VAC14: variants seen among roughly 807,000 people sequenced by gnomAD.
VAC14 encodes the protein VAC14 component of PIKFYVE complex, also known as protein VAC14 homolog.
A neutral mutation model predicts 85.3 loss-of-function variants in VAC14; 47 were observed. The observed-to-expected ratio is 0.55, with a 90% CI of 0.44 to 0.70. VAC14 has a LOEUF of 0.70. Ranked by LOEUF, VAC14 falls within the 30% of genes least tolerant of loss-of-function variation. The pLI, the probability that VAC14 is intolerant of heterozygous loss-of-function variation, is 0.00. For synonymous variants in VAC14, 447 were observed against 430.5 expected (o/e 1.04, Z -0.47); for missense variants, 861 against 1,004.3 (o/e 0.86, Z 1.93).
At chr16:70,784,972 G>A (rs1042873675) in intron 3 of VAC14, 134 bp from the exon 4 acceptor site, 4 of 790,070 alleles carry the variant, frequency 5.1e-6, no homozygotes, top group East Asian at 2.5e-5. Flanking sequence ...TCACCCTTTC[G>A]GTGAACACAT....
intron 14 of VAC14, chr16:70,731,130 G>C (rs1366170082): frequency 3.3e-6 from 1 of 305,736 alleles, no homozygotes; most frequent in Non-Finnish European, 4.9e-6. Context: ...ATCCCGCACT[G>C]GGGGCTGGGC....
intron 10 of VAC14, chr16:70,770,711 A>C (rs2033156913): frequency 6.6e-6 from 1 of 152,244 alleles, no homozygotes; most frequent in Non-Finnish European, 1.5e-5. Flanking sequence ...GGTCAGGGAC[A>C]CATTCAGGGG....
chr16:70,705,204 G>C (rs2053898473), intron 14 of VAC14, among the ~76,000 whole-genome samples: 1 of 152,218 alleles, frequency 6.6e-6, no homozygotes, highest in African/African-American at 2.4e-5. Flanking sequence ...ACTGGGTGCA[G>C]GCTCTGCCCT....
At chr16:70,724,419 G>A (rs982976124) in intron 14 of VAC14, among the ~76,000 whole-genome samples, 3 of 152,178 alleles carry the variant, frequency 2.0e-5, no homozygotes, top group Non-Finnish European at 4.4e-5. Context: ...ATGGACTAGG[G>A]AACAATGGAA....
At chr16:70,749,189 C>T (rs531332782) in intron 12 of VAC14, among the ~76,000 whole-genome samples, 1 of 152,320 alleles carries the variant, frequency 6.6e-6, no homozygotes, top group East Asian at 1.9e-4. Flanking sequence ...GAGCTGTTCC[C>T]TGGCCCAGGC....
intron 12 of VAC14, among the ~76,000 whole-genome samples, chr16:70,750,486 G>A (rs1373450794): frequency 6.6e-6 from 1 of 152,144 alleles, no homozygotes; most frequent in African/African-American, 2.4e-5. Flanking sequence ...CCCTGGTTTC[G>A]GAGTGGAGTG....
chr16:70,697,381 G>T, intron 15 of VAC14, 124 bp from the exon 16 acceptor site: 1 of 716,176 alleles, frequency 1.4e-6, no homozygotes. Context: ...GGGGCAGCCA[G>T]AGCCAGCTTA....
At chr16:70,766,273 G>A (rs748302094) in intron 10 of VAC14, among the ~76,000 whole-genome samples, 2 of 152,202 alleles carry the variant, frequency 1.3e-5, no homozygotes, top group African/African-American at 4.8e-5. Flanking sequence ...TTGGCCCCTC[G>A]GCAAGCTGAG....
Position 70,800,864 on chromosome 16 carries a change from T to G in VAC14, c.37A>C (p.Asn13His). The change falls in exon 1 of 19, where the codon AAC becomes CAC. Residue 13 changes from asparagine (N) to histidine (H), a missense_variant. By Grantham distance (68) the Asn-to-His change is moderately conservative. Transcript: ENST00000261776. ...TTGTCATTGAGGGCGCGCACGATGT[T>G]AGGCGTGAGCGGCGCGAAATCCTTC... is the stretch of plus-strand genomic sequence containing the variant. ...PEKDFAPLTP[N>H]IVRALNDKLY... is the part of the protein sequence containing the mutation. 1 of 1,607,148 alleles carries G rather than the reference T, an allele frequency of 6.2e-7. No individual in the cohort carries two copies. The highest frequency in any genetic ancestry group is 8.5e-7 in the Non-Finnish European group (1 of 1,176,790).
intron 13 of VAC14, among the ~76,000 whole-genome samples, chr16:70,743,002 T>C (rs1230014239): frequency 6.6e-6 from 1 of 151,798 alleles, no homozygotes; most frequent in African/African-American, 2.4e-5. Context: ...GCTAAAGGAC[T>C]GTAAATGCAC....
At chr16:70,706,999 G>T (rs1597863465) in intron 14 of VAC14, among the ~76,000 whole-genome samples, 1 of 152,264 alleles carries the variant, frequency 6.6e-6, no homozygotes, top group Non-Finnish European at 1.5e-5. Context: ...TCCCTGCCTT[G>T]TTCCTGCCCC....
chr16:70,771,528 C>T (rs191627802), intron 10 of VAC14: 6 of 151,986 alleles, frequency 3.9e-5, no homozygotes, highest in Non-Finnish European at 7.4e-5. Flanking sequence ...TACTGACCTC[C>T]AATAGCTTAA....
intron 18 of VAC14, chr16:70,691,456 T>C: frequency 2.0e-6 from 2 of 984,786 alleles, no homozygotes; most frequent in African/African-American, 3.5e-5. Flanking sequence ...CCGGTGTGGC[T>C]TCTAGGCCTC....
intron 10 of VAC14, among the ~76,000 whole-genome samples, chr16:70,763,834 G>A (rs1396249175): frequency 6.6e-6 from 1 of 152,246 alleles, no homozygotes; most frequent in Non-Finnish European, 1.5e-5. Context: ...GTGCTGCTGG[G>A]AGGCTTGAGT....
intron 1 of VAC14, among the ~76,000 whole-genome samples, chr16:70,787,810 C>T (rs529651579): frequency 2.6e-5 from 4 of 151,650 alleles, no homozygotes; most frequent in African/African-American, 7.3e-5. Flanking sequence ...AGTACAGCAG[C>T]GGGATGGGCT....
chr16:70,780,299 G>C (rs1350585740), intron 9 of VAC14, among the ~76,000 whole-genome samples: 1 of 152,122 alleles, frequency 6.6e-6, no homozygotes, highest in Non-Finnish European at 1.5e-5. Context: ...CGAAGCTAGA[G>C]CTTTCTTAAC....
At chr16:70,694,451 G>A (rs2053664991) in intron 17 of VAC14, among the ~76,000 whole-genome samples, 1 of 152,166 alleles carries the variant, frequency 6.6e-6, no homozygotes, top group Non-Finnish European at 1.5e-5. Context: ...TGTCTCCAGG[G>A]CATCAGTTCC....
At chr16:70,709,115 G>T (rs2053978213) in intron 14 of VAC14, among the ~76,000 whole-genome samples, 1 of 152,172 alleles carries the variant, frequency 6.6e-6, no homozygotes, top group Non-Finnish European at 1.5e-5. Flanking sequence ...CAGTACATTA[G>T]GAACATCGTG....
chr16:70,780,753 C>G, intron 9 of VAC14, 37 bp downstream of exon 9: 1 of 1,535,784 alleles, frequency 6.5e-7, no homozygotes, highest in Non-Finnish European at 8.8e-7. Flanking sequence ...CCTGGGCCCC[C>G]GACAGGAGGT....
Sources: gnomAD v4.1 joint callset for allele counts (sites outside exome capture counted in the v4.1 genomes callset) on GRCh38, gnomAD v4.1.1 for gene constraint, MANE v1.5 for transcripts, NCBI Gene and HGNC (gene_info 2026-07-23, HGNC 2026-07-21) for gene names.